The following LINGO2 variants were observed in gnomAD, a reference collection of about 807,000 sequenced individuals.
LINGO2 encodes the protein leucine-rich repeat and immunoglobulin-like domain-containing nogo receptor-interacting protein 2.
In LINGO2, 14 loss-of-function variants were observed where a neutral mutation model predicts 30.6. The observed-to-expected ratio is 0.46, with a 90% CI of 0.30 to 0.72. The LOEUF is 0.72. LINGO2 is among the 30% of genes least tolerant of loss of function. The pLI, the probability that LINGO2 is intolerant of heterozygous loss-of-function variation, is 0.07. For synonymous variants in LINGO2, 317 were observed against 288.5 expected (o/e 1.10, Z -1.00); for missense variants, 729 against 751.7 (o/e 0.97, Z 0.35).
At chr9:28,200,217 AGTGACTAAGATAG>A (rs1461328955) in intron 4 of LINGO2, among the ~76,000 whole-genome samples, 1 of 152,216 alleles carries the variant, frequency 6.6e-6, no homozygotes, top group Non-Finnish European at 1.5e-5. Context: ...ACTGCACAAC[AGTGACTAAGATAG>A]GTAACCTTGC....
the LINGO2 span, among the ~76,000 whole-genome samples, chr9:29,060,103 T>A: frequency 6.6e-6 from 1 of 152,046 alleles, no homozygotes; most frequent in African/African-American, 2.4e-5. Flanking sequence ...TATTTCGTTT[T>A]TCTTCTTCAC....
intron 1 of LINGO2, among the ~76,000 whole-genome samples, chr9:28,661,692 G>A (rs930176195): frequency 6.6e-6 from 1 of 151,988 alleles, no homozygotes; most frequent in Non-Finnish European, 1.5e-5. Flanking sequence ...TTTGAGACAT[G>A]GAAATCTTCA....
chr9:28,824,099 T>C, the LINGO2 span, among the ~76,000 whole-genome samples: 1 of 152,180 alleles, frequency 6.6e-6, no homozygotes, highest in Admixed American at 6.5e-5. Context: ...GTACTTGTTA[T>C]TCGCTCATGC....
chr9:28,921,585 CTA>C, the LINGO2 span, among the ~76,000 whole-genome samples: 1 of 152,164 alleles, frequency 6.6e-6, no homozygotes, highest in Non-Finnish European at 1.5e-5. Context: ...CCATCTGAGA[CTA>C]TGCAGAAAAC....
In LINGO2 at chr9:28,659,330, C is replaced by T. The variant is rs576402687; in HGVS notation, c.-365+10870G>A. Among the ~76,000 whole-genome samples the T allele has an allele frequency of 2.0e-3, 298 of 151,940 alleles. 3 individuals are homozygous for T. Among genetic ancestry groups the T allele is most frequent in the Middle Eastern group, 0.014 (4 of 294 alleles). On this transcript the variant is annotated intron_variant, in intron 1 of 5. Coordinates refer to ENST00000379992, the Ensembl canonical transcript of LINGO2. ...AAATTAAAGGAAATTAATGCCTGGACGTATAGTACAAATGCATGACACTAA... is the reference window on the plus strand; with the variant it reads ...AAATTAAAGGAAATTAATGCCTGGATGTATAGTACAAATGCATGACACTAA...
At chr9:28,008,575 G>T (rs937521709) in intron 5 of LINGO2, among the ~76,000 whole-genome samples, 1 of 57,974 alleles carries the variant, frequency 1.7e-5, no homozygotes, top group South Asian at 5.0e-4. Context: ...AAAACTATTA[G>T]AATAGATGAG....
chr9:28,781,119 C>T, the LINGO2 span, among the ~76,000 whole-genome samples: 1 of 151,924 alleles, frequency 6.6e-6, no homozygotes, highest in Non-Finnish European at 1.5e-5. Context: ...GTTTTTGAGG[C>T]TCAGAGAGGG....
chr9:27,952,079 A>G (rs1254461058), intron 5 of LINGO2, among the ~76,000 whole-genome samples: 1 of 152,076 alleles, frequency 6.6e-6, no homozygotes, highest in Non-Finnish European at 1.5e-5. Context: ...CATTATTCAC[A>G]GATCAAATTA....
intron 1 of LINGO2, among the ~76,000 whole-genome samples, chr9:28,533,796 TA>T (rs951813029): frequency 6.6e-6 from 1 of 152,148 alleles, no homozygotes; most frequent in African/African-American, 2.4e-5. Context: ...GTACCTGAAT[TA>T]AAAGACATTC....
intron 5 of LINGO2, among the ~76,000 whole-genome samples, chr9:28,002,756 G>C (rs1356499647): frequency 6.6e-6 from 1 of 151,412 alleles, no homozygotes; most frequent in East Asian, 1.9e-4. Flanking sequence ...CCTAGCTAGG[G>C]CCACTGTCTG....
chr9:28,075,636 T>C (rs1825601363), intron 4 of LINGO2, among the ~76,000 whole-genome samples: 1 of 152,048 alleles, frequency 6.6e-6, no homozygotes, highest in Admixed American at 6.6e-5. Context: ...TATTAATTTG[T>C]ATATCCTAGA....
chr9:28,814,248 C>A, the LINGO2 span, among the ~76,000 whole-genome samples: 2 of 152,112 alleles, frequency 1.3e-5, no homozygotes, highest in Non-Finnish European at 2.9e-5. Flanking sequence ...ACCATCCTGG[C>A]CAACATGGCA....
At chr9:28,028,483 A>ATAT (rs1823496011) in intron 4 of LINGO2, among the ~76,000 whole-genome samples, 1 of 151,882 alleles carries the variant, frequency 6.6e-6, no homozygotes, top group African/African-American at 2.4e-5. Flanking sequence ...ATACAAATGT[A>ATAT]TATACACGTA....
Position 28,511,798 on chromosome 9 carries a change from A to G in LINGO2, c.-364-35773T>C, listed in dbSNP as rs186151004. On this transcript the variant is annotated intron_variant, in intron 1 of 5. Transcript: ENST00000379992. Reference sequence around the variant, plus strand: ...GAATGGCACACCTGGCCTCCATGCAAAGTGCACAGCCAGATGCACTGCTTG... The same window carrying G: ...GAATGGCACACCTGGCCTCCATGCAGAGTGCACAGCCAGATGCACTGCTTG... 3.3e-3 allele frequency among the ~76,000 whole-genome samples: 499 copies of G among 152,288 alleles called. 3 individuals are homozygous for G. The highest frequency in any genetic ancestry group is 0.012 in the African/African-American group (485 of 41,566).
At chr9:28,470,550 T>A (rs1469301798) in intron 2 of LINGO2, among the ~76,000 whole-genome samples, 7 of 152,148 alleles carry the variant, frequency 4.6e-5, no homozygotes, top group Admixed American at 3.3e-4. Flanking sequence ...CCCTCCTGGA[T>A]CATTTTCATG....
At chr9:28,564,844 T>C (rs1403831196) in intron 1 of LINGO2, among the ~76,000 whole-genome samples, 1 of 152,112 alleles carries the variant, frequency 6.6e-6, no homozygotes, top group Non-Finnish European at 1.5e-5. Flanking sequence ...CAATAGTCAC[T>C]TGTGACTAGT....
At chr9:28,582,398 G>T (rs935199956) in intron 1 of LINGO2, among the ~76,000 whole-genome samples, 1 of 152,186 alleles carries the variant, frequency 6.6e-6, no homozygotes, top group Non-Finnish European at 1.5e-5. Context: ...CAGTGGCCAT[G>T]CTTCTGAAAA....
the LINGO2 span, among the ~76,000 whole-genome samples, chr9:28,953,697 T>G: frequency 6.6e-6 from 1 of 152,106 alleles, no homozygotes; most frequent in African/African-American, 2.4e-5. Context: ...AGACATGTAT[T>G]TTTGGAGAAA....
chr9:28,008,137 G>A (rs553854396), intron 5 of LINGO2, among the ~76,000 whole-genome samples: 4 of 152,302 alleles, frequency 2.6e-5, no homozygotes, highest in African/African-American at 4.8e-5. Context: ...CTGCAAAGGT[G>A]AGTGGGCTTT....
Sources: allele counts gnomAD v4.1 joint callset (sites outside exome capture counted in the v4.1 genomes callset), GRCh38; gene constraint gnomAD v4.1.1; transcripts MANE v1.5; gene names NCBI Gene and HGNC (gene_info 2026-07-23, HGNC 2026-07-21).